MED12: variants seen among roughly 807,000 people sequenced by gnomAD.
MED12 encodes the protein mediator of RNA polymerase II transcription subunit 12.
MED12 carries 10 observed loss-of-function variants against 177.7 expected under a neutral mutation model. That is an observed-to-expected ratio of 0.06 (90% CI 0.03 to 0.10). MED12 has a LOEUF of 0.10. Ranked by LOEUF, MED12 falls within the 10% of genes least tolerant of loss-of-function variation. MED12 has a pLI of 1.00. For synonymous variants in MED12, 641 were observed against 678.4 expected (o/e 0.94, Z 0.86); for missense variants, 867 against 1,780.8 (o/e 0.49, Z 9.23).
At chrX:71,129,510 C>T (rs1265269311) in intron 26 of MED12, 81 bp downstream of exon 26, 4 of 947,711 alleles carry the variant, frequency 4.2e-6, no homozygotes, top group Non-Finnish European at 6.0e-6. Context: ...AGTCTTTCTC[C>T]CTTCTGAAGG....
At position 71,119,393 on chromosome X, in the gene MED12, T is replaced by C. The variant is rs1048534705; in HGVS notation, c.120T>C (p.Asn40=). Residue 40 remains asparagine (N), a synonymous_variant, in exon 2 of 45, where the codon AAT becomes AAC. Transcript: ENST00000374080. ...CTCAGGATGAACTGACGGCCTTGAA[T>C]GTAAAACAAGGTTTCAATAACCAGC... ...KQKEDELTAL[N]VKQGFNNQPA... 1 of 1,196,367 alleles carries C rather than the reference T, an allele frequency of 8.4e-7. No homozygotes were observed. The highest frequency in any genetic ancestry group is 1.8e-5 in the African/African-American group (1 of 56,874).
chrX:71,125,965 C>T, intron 17 of MED12, 71 bp from the exon 18 acceptor site: 1 of 414,943 alleles, frequency 2.4e-6, no homozygotes, highest in Non-Finnish European at 4.4e-6. Context: ...TCTCTCCATA[C>T]CCCACTCCCC....
In MED12 at chrX:71,120,909, G is replaced by A. The variant is rs2092287795; in HGVS notation, c.554-62G>A. On this transcript the variant is annotated intron_variant, in intron 4 of 44. Coordinates refer to ENST00000374080, the MANE Select transcript of MED12 (RefSeq NM_005120.3). ...AGGCATGAGCCACCGCACCCAGCCA[G>A]TAGAAGGATATTCTAAGCAGAAGGA... is the stretch of plus-strand genomic sequence containing the variant. 1.3e-5 allele frequency: 16 copies of A among 1,186,274 alleles called. No individual in the cohort carries two copies. The South Asian group carries it at 2.5e-4, about 18-fold the overall frequency.
chrX:71,125,749 C>T (rs1283681984), intron 17 of MED12, 36 bp downstream of exon 17: 5 of 1,119,881 alleles, frequency 4.5e-6, no homozygotes, highest in Non-Finnish European at 6.1e-6. Flanking sequence ...CCCTCCCTCC[C>T]TCTCCCTTCC....
rs200836484 is a variant in MED12 at position 71,124,913 on chromosome X, GT to G, written c.2056-56del. On this transcript the variant is annotated intron_variant, in intron 14 of 44. Transcript: ENST00000374080. ...TTCCCATTATGCCTGCTTTTGGCAT[GT>G]TTTTTTGCCCCCTCATCCACTTTCC... 209 of 1,188,816 alleles carry G rather than the reference GT, an allele frequency of 1.8e-4. No individual in the cohort carries two copies. In the East Asian group the frequency reaches 6.0e-3, roughly 34 times the overall value.
chrX:71,132,013 C>T, intron 29 of MED12, 60 bp from the exon 30 acceptor site: 1 of 1,076,051 alleles, frequency 9.3e-7, no homozygotes, highest in Non-Finnish European at 1.3e-6. Flanking sequence ...CTCCTACCAT[C>T]TGCTTTCCTT....
Position 71,119,359 on chromosome X carries a change from C to G in MED12, c.100-14C>G. 1 of 1,172,106 alleles carries G rather than the reference C, an allele frequency of 8.5e-7. No individual in the cohort carries two copies. Among genetic ancestry groups the G allele is most frequent in the Non-Finnish European group, 1.2e-6 (1 of 868,825 alleles). The stretch of plus-strand genomic sequence containing the variant: ...CTAAGGAAAAAACAACTAAACGCCG[C>G]TTTCCTGCCTCAGGATGAACTGACG... On this transcript the variant is annotated splice_polypyrimidine_tract_variant and intron_variant, in intron 1 of 44. Transcript: ENST00000374080.
intron 1 of MED12, among the ~76,000 whole-genome samples, 167 bp downstream of exon 1, chrX:71,119,020 G>T (rs1414207106): frequency 9.4e-6 from 1 of 106,169 alleles, no homozygotes; most frequent in African/African-American, 3.4e-5. Flanking sequence ...GGGGGCGGTG[G>T]GGGGTTCCAA....
intron 13 of MED12, 101 bp from the exon 14 acceptor site, chrX:71,124,663 C>T (rs2092298174): frequency 1.5e-6 from 1 of 666,520 alleles, no homozygotes. Context: ...TGTGCTTTCC[C>T]CAATCTGGTC....
Position 71,125,060 on chromosome X carries a change from C to T in MED12, c.2140C>T (p.Pro714Ser). 8.3e-7 allele frequency: 1 copy of T among 1,210,994 alleles called. No individual in the cohort carries two copies. Among genetic ancestry groups the T allele is most frequent in the Non-Finnish European group, 1.1e-6 (1 of 895,125 alleles). The change falls in exon 15 of 45, where the codon CCC (proline) becomes TCC (serine). Residue 714 changes from proline (P) to serine (S), a missense_variant. Pro to Ser is a moderately conservative substitution (Grantham distance 74). This residue lies in a region of MED12 where 309 missense variants were observed against 556.3 expected (regional missense o/e 0.56). Coordinates refer to ENST00000374080, the MANE Select transcript of MED12 (RefSeq NM_005120.3). Reference sequence around the variant, plus strand: ...TGTCGAGAAGGAGGTGAAGCCCCCACCCAAGGAGAAGATTGAAGGGACCCT... The same window carrying T: ...TGTCGAGAAGGAGGTGAAGCCCCCATCCAAGGAGAAGATTGAAGGGACCCT... Reference protein sequence around the residue: ...PDVEKEVKPPPKEKIEGTLGV... With the variant: ...PDVEKEVKPPSKEKIEGTLGV...
Position 71,140,758 on chromosome X carries a change from A to ACAGCAGCAACAGCAACAG in MED12, c.6177_6194dup (p.Gln2071_Gln2076dup). 1 of 1,208,132 alleles carries ACAGCAGCAACAGCAACAG rather than the reference A, an allele frequency of 8.3e-7. No homozygotes were observed. The highest frequency in any genetic ancestry group is 1.1e-6 in the Non-Finnish European group (1 of 894,123). On this transcript the variant is annotated inframe_insertion, in exon 42 of 45. Transcript: ENST00000374080. The stretch of plus-strand genomic sequence containing the variant: ...TACCTGAGCAGCAGCAGCAGCAGCA[A>ACAGCAGCAACAGCAACAG]CAGCAGCAACAGCAACAGCAGCAGC...
Position 71,138,425 on chromosome X carries a change from C to T in MED12, c.6044+482C>T, listed in dbSNP as rs903899359. On this transcript the variant is annotated intron_variant, in intron 41 of 44. Coordinates refer to ENST00000374080, the MANE Select transcript of MED12 (RefSeq NM_005120.3). Reference sequence around the variant, plus strand: ...CACTGCAGCCTCGACCTCTGAGGCTCAGGTGATCCTCCTACCTCAGCCTCC... The same window carrying T: ...CACTGCAGCCTCGACCTCTGAGGCTTAGGTGATCCTCCTACCTCAGCCTCC... 2.7e-5 allele frequency among the ~76,000 whole-genome samples: 3 copies of T among 110,709 alleles called. No homozygotes were observed. In the South Asian group the frequency reaches 1.2e-3, roughly 43 times the overall value.
In MED12 at chrX:71,137,569, C is replaced by T. The variant is rs1437807483; in HGVS notation, c.5760C>T (p.Gly1920=). The change falls in exon 40 of 45, where the codon GGC becomes GGT. Residue 1920 remains glycine, a synonymous_variant. Transcript: ENST00000374080. ...RLRQQLQQSQ[G]MLGQSSVHQM... ...TTTTCTCCCTTTAGCAGAGTCAGGG[C>T]ATGTTGGGACAGTCATCTGTCCATC... 1 of 1,208,909 alleles carries T rather than the reference C, an allele frequency of 8.3e-7. No individual in the cohort carries two copies. The highest frequency in any genetic ancestry group is 3.0e-5 in the East Asian group (1 of 33,795).
In MED12 at chrX:71,125,058, C is replaced by G; in HGVS notation, c.2138C>G (p.Pro713Arg). The change falls in exon 15 of 45, where the codon CCA becomes CGA. Residue 713 changes from proline (P) to arginine (R), a missense_variant. Physicochemically the swap from Pro to Arg is moderately radical, Grantham distance 103 (BLOSUM62 -2). This residue lies in a region of MED12 where 309 missense variants were observed against 556.3 expected (regional missense o/e 0.56). Coordinates refer to ENST00000374080, the MANE Select transcript of MED12 (RefSeq NM_005120.3). ...GATGTCGAGAAGGAGGTGAAGCCCC[C>G]ACCCAAGGAGAAGATTGAAGGGACC... ...KPDVEKEVKP[P>R]PKEKIEGTLG... 1 of 1,210,984 alleles carries G rather than the reference C, an allele frequency of 8.3e-7. No homozygotes were observed. Among genetic ancestry groups the G allele is most frequent in the African/African-American group, 1.7e-5 (1 of 57,678 alleles).
intron 4 of MED12, among the ~76,000 whole-genome samples, chrX:71,120,488 G>T (rs1413723493): frequency 9.0e-6 from 1 of 110,550 alleles, no homozygotes; most frequent in African/African-American, 3.3e-5. Context: ...GTGGACAAAA[G>T]ATTACTTTCT....
In MED12 at chrX:71,141,978, C is replaced by G. The variant is rs1569482858; in HGVS notation, c.6490+14C>G. ...AACAGCTCTCTAGTAAGCCTGCCTG[C>G]CTTCCCAAGGAGAACCCCATGGAAT... is the stretch of plus-strand genomic sequence containing the variant. On this transcript the variant is annotated intron_variant, in intron 44 of 44. Transcript: ENST00000374080. The G allele has an allele frequency of 1.7e-6, 2 of 1,206,321 alleles. No homozygotes were observed. The highest frequency in any genetic ancestry group is 2.2e-6 in the Non-Finnish European group (2 of 892,321).
intron 36 of MED12, among the ~76,000 whole-genome samples, chrX:71,135,735 C>T (rs2092330480): frequency 8.9e-6 from 1 of 111,874 alleles, no homozygotes. Context: ...CTTCATCTGT[C>T]TTCCTAGTCC....
At chrX:71,140,594 C>T in intron 41 of MED12, 41 bp from the exon 42 acceptor site, 1 of 1,211,263 alleles carries the variant, frequency 8.3e-7, no homozygotes, top group Non-Finnish European at 1.1e-6. Context: ...CCTCTCCTCA[C>T]CTCCCTCATG....
Position 71,126,255 on chromosome X carries a change from T to TC in MED12, c.2542-85dup, listed in dbSNP as rs2092303046. 5 of 1,173,147 alleles carry TC rather than the reference T, an allele frequency of 4.3e-6. No homozygotes were observed. In the African/African-American group the frequency reaches 8.9e-5, roughly 21 times the overall value. On this transcript the variant is annotated intron_variant, in intron 18 of 44. Coordinates refer to ENST00000374080, the MANE Select transcript of MED12 (RefSeq NM_005120.3). Reference sequence around the variant, plus strand: ...CTGCTAGGCAGGCTAAGCCTCCTGGTCTCATCCCCTTCCAGTGTCATCCTT... The same window carrying TC: ...CTGCTAGGCAGGCTAAGCCTCCTGGTCCTCATCCCCTTCCAGTGTCATCCTT...
Sources: allele counts gnomAD v4.1 joint callset (sites outside exome capture counted in the v4.1 genomes callset), GRCh38; gene constraint gnomAD v4.1.1; regional missense constraint gnomAD v4.1.1; transcripts MANE v1.5; gene names NCBI Gene and HGNC (gene_info 2026-07-23, HGNC 2026-07-21).